The following WAC variants were observed in gnomAD, a reference collection of about 807,000 sequenced individuals.
The protein encoded by WAC is WW domain-containing adapter protein with coiled-coil.
WAC carries 11 observed loss-of-function variants against 79.6 expected under a neutral mutation model. The observed-to-expected ratio is 0.14, with a 90% CI of 0.09 to 0.23. The LOEUF is 0.23. Ranked by LOEUF, WAC falls within the 10% of genes least tolerant of loss-of-function variation. The pLI is 1.00. For synonymous variants in WAC, 304 were observed against 276.9 expected, an observed-to-expected ratio of 1.10 and a Z score of -0.97; for missense variants, 728 against 773.5, an observed-to-expected ratio of 0.94 and a Z score of 0.70.
Position 28,595,842 on chromosome 10 carries a change from C to T in WAC, c.720C>T (p.His240=), listed in dbSNP as rs183083510. The T allele has an allele frequency of 1.9e-6, 3 of 1,614,056 alleles. No individual in the cohort carries two copies. The African/African-American group carries it at 4.0e-5, about 22-fold the overall frequency. ...ACAGACTGCCAAGAGCAGAGACTCA[C>T]AGTAGTTCTACGCCAGTACAGCACC... ...RDYRLPRAET[H]SSSTPVQHPI... is the part of the protein sequence containing the mutation. The change falls in exon 7 of 14, where the codon CAC becomes CAT. Residue 240 remains histidine (H), a synonymous_variant. Transcript: ENST00000354911.
chr10:28,616,973 C>G (rs1158788367), intron 12 of WAC, among the ~76,000 whole-genome samples: 1 of 152,180 alleles, frequency 6.6e-6, no homozygotes, highest in Non-Finnish European at 1.5e-5. Flanking sequence ...ATTACAGCTA[C>G]TCGGGAGCCT....
intron 3 of WAC, among the ~76,000 whole-genome samples, chr10:28,576,840 A>G (rs966487610): frequency 6.6e-6 from 1 of 152,142 alleles, no homozygotes; most frequent in Non-Finnish European, 1.5e-5. Context: ...CTGGAATTTC[A>G]ATTATATTTA....
intron 3 of WAC, among the ~76,000 whole-genome samples, chr10:28,556,017 A>G (rs1837959544): frequency 1.3e-5 from 2 of 152,162 alleles, no homozygotes; most frequent in African/African-American, 2.4e-5. Context: ...CACCTGGGAG[A>G]TAGTGGAGGA....
intron 3 of WAC, among the ~76,000 whole-genome samples, chr10:28,542,119 G>A (rs1414119000): frequency 6.6e-6 from 1 of 152,142 alleles, no homozygotes; most frequent in African/African-American, 2.4e-5. Context: ...GTTTGTTCCT[G>A]TCTCAGGGGC....
chr10:28,566,363 C>G (rs1295364751), intron 3 of WAC, among the ~76,000 whole-genome samples: 1 of 152,082 alleles, frequency 6.6e-6, no homozygotes, highest in African/African-American at 2.4e-5. Context: ...TAAATATTTA[C>G]TGTATAATGT....
rs2039569281 is a variant in WAC at position 28,620,803 on chromosome 10, C to T, written c.*1197C>T. On this transcript the variant is annotated 3_prime_UTR_variant, in exon 14 of 14. Transcript: ENST00000354911. ...TACCTGTCTTGCTATTATGACATTT[C>T]ATTTGGAAGGATGTTTGTGTTGTAG... 1.3e-5 allele frequency: 2 copies of T among 152,178 alleles called. No individual in the cohort carries two copies. Among genetic ancestry groups the T allele is most frequent in the African/African-American group, 4.8e-5 (2 of 41,450 alleles). The allele number at this position is 152,178 out of a possible 1,614,324, so 9.4% of individuals were successfully genotyped here.
intron 3 of WAC, among the ~76,000 whole-genome samples, chr10:28,539,998 T>C (rs942053508): frequency 6.6e-6 from 1 of 152,214 alleles, no homozygotes; most frequent in Non-Finnish European, 1.5e-5. Flanking sequence ...GATAATGTCT[T>C]TTTTTAATAT....
In WAC at chr10:28,552,560, A is replaced by G. The variant is rs374824220; in HGVS notation, c.274+16803A>G. 1.4e-4 allele frequency among the ~76,000 whole-genome samples: 21 copies of G among 152,330 alleles called. No individual in the cohort carries two copies. In the South Asian group the frequency reaches 3.1e-3, roughly 23 times the overall value. ...TTGGCCTTTGGGTTTTTGAGAAAGC[A>G]TCATGTTAAGGAATTACACCAAATA... On this transcript the variant is annotated intron_variant, in intron 3 of 13. Transcript: ENST00000354911.
chr10:28,611,614 A>T (rs1364508913), intron 9 of WAC, 160 bp from the exon 10 acceptor site: 3 of 1,224,428 alleles, frequency 2.5e-6, no homozygotes, highest in Admixed American at 5.6e-5. Context: ...CCCAGTGAGA[A>T]GGTCAGATTC....
intron 1 of WAC, 73 bp downstream of exon 1, chr10:28,533,693 G>C: frequency 6.7e-7 from 1 of 1,488,872 alleles, no homozygotes; most frequent in African/African-American, 1.4e-5. Context: ...TCCTTATCTG[G>C]AGCTGGCCGG....
At chr10:28,580,764 A>C (rs1839492461) in intron 3 of WAC, among the ~76,000 whole-genome samples, 1 of 152,186 alleles carries the variant, frequency 6.6e-6, no homozygotes, top group Admixed American at 6.5e-5. Flanking sequence ...GAAAAGTAGA[A>C]ATTTCAGCAT....
chr10:28,603,991 A>ATATATATATATATATATATATGTGTG (rs1840796367), intron 7 of WAC, among the ~76,000 whole-genome samples: 1 of 129,978 alleles, frequency 7.7e-6, no homozygotes, highest in Non-Finnish European at 1.6e-5. Context: ...ATATATATGT[A>ATATATATATATATATATATATGTGTG]TATATATATA....
chr10:28,561,354 C>T (rs1424250284), intron 3 of WAC, among the ~76,000 whole-genome samples: 1 of 152,138 alleles, frequency 6.6e-6, no homozygotes, highest in Admixed American at 6.5e-5. Context: ...TATTCTCTAA[C>T]CCTTCTCTTC....
intron 3 of WAC, among the ~76,000 whole-genome samples, chr10:28,537,190 T>G (rs535645206): frequency 2.6e-5 from 4 of 152,368 alleles, no homozygotes; most frequent in Non-Finnish European, 5.9e-5. Context: ...AAACCACATT[T>G]TTGTAACAGT....
chr10:28,569,692 A>G (rs1391332638), intron 3 of WAC, among the ~76,000 whole-genome samples: 1 of 152,168 alleles, frequency 6.6e-6, no homozygotes, highest in African/African-American at 2.4e-5. Context: ...GGGGAATGCA[A>G]AGATTGGGAC....
In WAC at chr10:28,595,956, A is replaced by G; in HGVS notation, c.834A>G (p.Lys278=). The change falls in exon 7 of 14, where the codon AAA becomes AAG. Residue 278 remains lysine, a synonymous_variant. Transcript: ENST00000354911. ...TACAGTCTGATCACCAGCCAAAGAAATCATTTGATGCTAATGGAGCATCTA... is the reference window on the plus strand; with the variant it reads ...TACAGTCTGATCACCAGCCAAAGAAGTCATTTGATGCTAATGGAGCATCTA... ...FTLQSDHQPK[K]SFDANGASTL... is the part of the protein sequence containing the mutation. The G allele has an allele frequency of 6.2e-7, 1 of 1,614,164 alleles. No homozygotes were observed. Among genetic ancestry groups the G allele is most frequent in the Non-Finnish European group, 8.5e-7 (1 of 1,180,024 alleles).
At chr10:28,567,802 T>C (rs888803654) in intron 3 of WAC, among the ~76,000 whole-genome samples, 2 of 152,196 alleles carry the variant, frequency 1.3e-5, no homozygotes, top group African/African-American at 4.8e-5. Context: ...TAGCCCAAGC[T>C]GGAGTGCAGT....
intron 3 of WAC, among the ~76,000 whole-genome samples, chr10:28,563,744 CTTTTTTTTTTTTT>C (rs71281550): frequency 0.31 from 20,881 of 68,270 alleles, 1,790 homozygotes; most frequent in Middle Eastern, 0.42. Context: ...CTACACCCAG[CTTTTTTTTTTTTT>C]TTTTTTTTTT....
At chr10:28,556,760 A>T (rs1030544490) in intron 3 of WAC, among the ~76,000 whole-genome samples, 5 of 152,012 alleles carry the variant, frequency 3.3e-5, no homozygotes, top group Admixed American at 6.5e-5. Context: ...CAAGGATCCA[A>T]TTTCATTCTT....
Sources: allele counts gnomAD v4.1 joint callset (sites outside exome capture counted in the v4.1 genomes callset), GRCh38; gene constraint gnomAD v4.1.1; transcripts MANE v1.5; gene names NCBI Gene and HGNC (gene_info 2026-07-23, HGNC 2026-07-21).